MCM4: variants seen among roughly 807,000 people sequenced by gnomAD.
MCM4 encodes minichromosome maintenance complex component 4.
MCM4 carries 60 observed loss-of-function variants against 88.7 expected under a neutral mutation model. That is an observed-to-expected ratio of 0.68 (90% CI 0.55 to 0.84). The LOEUF is 0.84. Among genes scored for constraint, MCM4 ranks in the 40% least tolerant of loss-of-function variants. MCM4 has a pLI of 0.00. For synonymous variants in MCM4, 465 were observed against 410.5 expected, an observed-to-expected ratio of 1.13 and a Z score of -1.61; for missense variants, 1,149 against 1,105.5, an observed-to-expected ratio of 1.04 and a Z score of -0.56.
Position 47,961,197 on chromosome 8 carries a change from C to T in MCM4, c.53C>T (p.Ala18Val). 6.5e-7 allele frequency: 1 copy of T among 1,527,554 alleles called. No individual in the cohort carries two copies. Among genetic ancestry groups the T allele is most frequent in the Non-Finnish European group, 8.7e-7 (1 of 1,146,180 alleles). 94.6% of individuals were successfully genotyped at this position (1,527,554 alleles called of 1,614,324 possible). A position where few individuals can be genotyped will look rare whatever the true frequency, so the allele number is the denominator to read the frequency against. The change falls in exon 2 of 17, where the codon GCC becomes GTC. Residue 18 changes from alanine to valine, a missense_variant. Physicochemically the swap from Ala to Val is moderately conservative, Grantham distance 64 (BLOSUM62 0). Transcript: ENST00000649973. Reference sequence around the variant, plus strand: ...CGCCGCGGCAGCCGGCGTGGAAGGGCCACCCCCGCCCAGACGCGTGAGTCC... The same window carrying T: ...CGCCGCGGCAGCCGGCGTGGAAGGGTCACCCCCGCCCAGACGCGTGAGTCC... ...PSRRGSRRGR[A>V]TPAQTPRSED... is the part of the protein sequence containing the mutation.
Position 47,961,012 on chromosome 8 carries a change from A to T in MCM4, c.-17A>T. The T allele has an allele frequency of 4.0e-6, 4 of 1,000,208 alleles. No homozygotes were observed. The highest frequency in any genetic ancestry group is 5.5e-6 in the Non-Finnish European group (4 of 731,410). The allele number at this position is 1,000,208 out of a possible 1,614,324, so 62.0% of individuals were successfully genotyped here. The stretch of plus-strand genomic sequence containing the variant: ...GTCGTCGGCAAGCGGCCGCCTTTCC[A>T]CGGTAACCGCGCGCCGGCGGGGAGG... On this transcript the variant is annotated splice_region_variant and 5_prime_UTR_variant, in exon 1 of 17. Coordinates refer to ENST00000649973, the MANE Select transcript of MCM4 (RefSeq NM_182746.3).
Position 47,964,619 on chromosome 8 carries a change from G to T in MCM4, c.739G>T (p.Asp247Tyr), listed in dbSNP as rs549554177. 1.9e-5 allele frequency: 30 copies of T among 1,602,420 alleles called. No individual in the cohort carries two copies. The highest frequency in any genetic ancestry group is 2.3e-5 in the Non-Finnish European group (27 of 1,177,064). Residue 247 changes from aspartate to tyrosine, a missense_variant, in exon 8 of 17, where the codon GAC becomes TAC. Around this residue, in one of 3 missense-constraint regions of MCM4, gnomAD observed 906 missense variants for 843.0 expected, o/e 1.07. Transcript: ENST00000649973. ...CATGGCTGTCAATGAAATCTTCTTT[G>T]ACCGTTACCCTGACTCAATCTTAGA... ...FDMAVNEIFFDRYPDSILEHQ... is the reference protein window; with the variant it reads ...FDMAVNEIFFYRYPDSILEHQ...
At position 47,967,438 on chromosome 8, in the gene MCM4, A is replaced by C; in HGVS notation, c.1127A>C (p.Asn376Thr). The change falls in exon 10 of 17, where the codon AAT becomes ACT. Residue 376 changes from asparagine (N) to threonine (T), a missense_variant. Around this residue, in one of 3 missense-constraint regions of MCM4, gnomAD observed 906 missense variants for 843.0 expected, o/e 1.07. Coordinates refer to ENST00000649973, the MANE Select transcript of MCM4 (RefSeq NM_182746.3). Reference sequence around the variant, plus strand: ...CACACAGTTATCCTGTTTGCTCACAATGATCTCGTTGACAAGGTCCAGCCT... The same window carrying C: ...CACACAGTTATCCTGTTTGCTCACACTGATCTCGTTGACAAGGTCCAGCCT... ...TPHTVILFAH[N>T]DLVDKVQPGD... 1.2e-6 allele frequency: 2 copies of C among 1,614,154 alleles called. No individual in the cohort carries two copies. The highest frequency in any genetic ancestry group is 2.2e-5 in the South Asian group (2 of 91,080).
At chr8:47,973,280 G>A (rs1284421512) in intron 14 of MCM4, among the ~76,000 whole-genome samples, 3 of 151,944 alleles carry the variant, frequency 2.0e-5, no homozygotes, top group African/African-American at 4.8e-5. Flanking sequence ...GGGTTCAAGC[G>A]ATTCTCCTGC....
chr8:47,962,912 G>A lies in MCM4; in HGVS notation c.598-33G>A, dbSNP rs191115772. On this transcript the variant is annotated intron_variant, in intron 6 of 16. Transcript: ENST00000649973. ...TACGTGTTTTAAAATAGTTAAATTA[G>A]CAAAATATAACTTGTTCATTTTTAT... The A allele has an allele frequency of 1.9e-3, 2,915 of 1,565,610 alleles. 4 individuals carry two copies. Among genetic ancestry groups the A allele is most frequent in the Non-Finnish European group, 2.1e-3 (2,439 of 1,149,134 alleles).
chr8:47,973,414 G>A (rs2090973478), intron 14 of MCM4, among the ~76,000 whole-genome samples: 3 of 152,152 alleles, frequency 2.0e-5, no homozygotes, highest in Admixed American at 2.0e-4. Flanking sequence ...GACCTCAAGT[G>A]ATGCGCCAGC....
At chr8:47,971,028 A>G (rs979559691) in intron 12 of MCM4, 152 bp downstream of exon 12, 5 of 1,011,690 alleles carry the variant, frequency 4.9e-6, no homozygotes, top group Non-Finnish European at 5.6e-6. Context: ...AAATCTCAAC[A>G]TGTCTTCTAC....
In MCM4 at chr8:47,973,034, A is replaced by G. The variant is rs1257272106; in HGVS notation, c.2106A>G (p.Leu702=). 3 of 1,613,906 alleles carry G rather than the reference A, an allele frequency of 1.9e-6. No homozygotes were observed. The highest frequency in any genetic ancestry group is 2.5e-6 in the Non-Finnish European group (3 of 1,180,004). ...CGCACAGCACCATCATGCCGCGGCT[A>G]AGTGAGGAAGCCAGCCAGGCTCTCA... is the stretch of plus-strand genomic sequence containing the variant. ...AYAHSTIMPR[L]SEEASQALIE... Residue 702 remains leucine, a synonymous_variant, in exon 14 of 17, where the codon CTA becomes CTG. Transcript: ENST00000649973.
chr8:47,971,322 G>T lies in MCM4; in HGVS notation c.1801-19G>T. 6.2e-7 allele frequency: 1 copy of T among 1,613,826 alleles called. No individual in the cohort carries two copies. Among genetic ancestry groups the T allele is most frequent in the South Asian group, 1.1e-5 (1 of 91,068 alleles). On this transcript the variant is annotated intron_variant, in intron 12 of 16. Transcript: ENST00000649973. ...CAGCGTCAGGGAGAGGCTTCTAACT[G>T]CACTCTTTGCTCTGATAGGCTGGGA...
chr8:47,971,277 A>G, intron 12 of MCM4, 64 bp from the exon 13 acceptor site: 1 of 1,601,600 alleles, frequency 6.2e-7, no homozygotes, highest in Non-Finnish European at 8.5e-7. Flanking sequence ...GGCCGGGCGA[A>G]GACGGTGCTT....
rs1268162399 is a variant in MCM4 at position 47,974,662 on chromosome 8, A to G, written c.2137-72A>G. The G allele has an allele frequency of 3.2e-6, 4 of 1,249,202 alleles. No individual in the cohort carries two copies. In the African/African-American group the frequency reaches 4.5e-5, roughly 14 times the overall value. The allele number at this position is 1,249,202 out of a possible 1,614,324, so 77.4% of individuals were successfully genotyped here. On this transcript the variant is annotated intron_variant, in intron 14 of 16. Coordinates refer to ENST00000649973, the MANE Select transcript of MCM4 (RefSeq NM_182746.3). Reference sequence around the variant, plus strand: ...TTACTTAATGGAAGCCTAAGTGTTCAAAATTCACCCACAAAACTAAAGTTG... The same window carrying G: ...TTACTTAATGGAAGCCTAAGTGTTCGAAATTCACCCACAAAACTAAAGTTG...
intron 7 of MCM4, among the ~76,000 whole-genome samples, chr8:47,963,763 G>T (rs1036514721): frequency 3.3e-5 from 5 of 152,160 alleles, no homozygotes; most frequent in Non-Finnish European, 5.9e-5. Context: ...CAGCTCTGTT[G>T]ACTCTGGGTG....
intron 9 of MCM4, 78 bp downstream of exon 9, chr8:47,966,485 G>A (rs1390831478): frequency 1.1e-5 from 15 of 1,386,216 alleles, no homozygotes; most frequent in Middle Eastern, 2.6e-4. Flanking sequence ...CTTGTCCCTC[G>A]GACCCTGAGC....
At chr8:47,970,111 T>C in intron 11 of MCM4, 54 bp downstream of exon 11, 1 of 1,583,052 alleles carries the variant, frequency 6.3e-7, no homozygotes, top group Non-Finnish European at 8.6e-7. Context: ...TGGGATCAAA[T>C]AGTATAAACA....
Position 47,973,035 on chromosome 8 carries a change from A to C in MCM4, c.2107A>C (p.Ser703Arg). 1 of 1,613,944 alleles carries C rather than the reference A, an allele frequency of 6.2e-7. No homozygotes were observed. Among genetic ancestry groups the C allele is most frequent in the Non-Finnish European group, 8.5e-7 (1 of 1,180,012 alleles). The change falls in exon 14 of 17, where the codon AGT becomes CGT. Residue 703 changes from serine (S) to arginine (R), a missense_variant. Physicochemically the swap from Ser to Arg is moderately radical, Grantham distance 110. Transcript: ENST00000649973. Reference protein sequence around the residue: ...YAHSTIMPRLSEEASQALIEA... With the variant: ...YAHSTIMPRLREEASQALIEA... ...GCACAGCACCATCATGCCGCGGCTAAGTGAGGAAGCCAGCCAGGCTCTCAT... is the reference window on the plus strand; with the variant it reads ...GCACAGCACCATCATGCCGCGGCTACGTGAGGAAGCCAGCCAGGCTCTCAT...
intron 14 of MCM4, among the ~76,000 whole-genome samples, chr8:47,973,337 G>A (rs901408451): frequency 9.3e-5 from 14 of 151,326 alleles, no homozygotes; most frequent in African/African-American, 2.2e-4. Context: ...CAACCACTCC[G>A]GCTAATTTTT....
chr8:47,960,942 C>A lies in MCM4; in HGVS notation c.-87C>A, dbSNP rs2090812571. On this transcript the variant is annotated 5_prime_UTR_variant, in exon 1 of 17. Transcript: ENST00000649973. ...CCGCCGGCGGGAACTCTGGGTCTCG[C>A]GGTTTGGGAGCGCTACTCGCCAGGT... 9.6e-6 allele frequency: 5 copies of A among 522,832 alleles called. No individual in the cohort carries two copies. The highest frequency in any genetic ancestry group is 4.5e-5 in the Admixed American group (1 of 22,442). The allele number at this position is 522,832 out of a possible 1,614,324, so 32.4% of individuals were successfully genotyped here. A position where few individuals can be genotyped will look rare whatever the true frequency, so the allele number is the denominator to read the frequency against.
rs1402265983 is a variant in MCM4 at position 47,969,997 on chromosome 8, T to G, written c.1374T>G (p.Ile458Met). ...AGGAACTTTCCAGGAAACCAGACATTTATGAGAGGCTTGCTTCAGCCTTGG... is the reference window on the plus strand; with the variant it reads ...AGGAACTTTCCAGGAAACCAGACATGTATGAGAGGCTTGCTTCAGCCTTGG... ...LLKELSRKPD[I>M]YERLASALAP... Residue 458 changes from isoleucine (I) to methionine (M), a missense_variant, in exon 11 of 17, where the codon ATT becomes ATG. Physicochemically the swap from Ile to Met is conservative, Grantham distance 10. Around this residue, in one of 3 missense-constraint regions of MCM4, gnomAD observed 906 missense variants for 843.0 expected, o/e 1.07. Transcript: ENST00000649973. 3 of 1,614,194 alleles carry G rather than the reference T, an allele frequency of 1.9e-6. No individual in the cohort carries two copies. The highest frequency in any genetic ancestry group is 2.2e-5 in the South Asian group (2 of 91,090).
rs571083407 is a variant in MCM4, at chr8:47,964,542, A to G, written c.694-32A>G. Reference sequence around the variant, plus strand: ...TATTATATTTAACACTGAGATATGAATACAAATACATCTTCATATTTGTTT... The same window carrying G: ...TATTATATTTAACACTGAGATATGAGTACAAATACATCTTCATATTTGTTT... On this transcript the variant is annotated intron_variant, in intron 7 of 16. Coordinates refer to ENST00000649973, the MANE Select transcript of MCM4 (RefSeq NM_182746.3). The G allele has an allele frequency of 9.7e-6, 15 of 1,541,154 alleles. No homozygotes were observed. In the African/African-American group the frequency reaches 2.1e-4, roughly 21 times the overall value.
Sources: allele counts gnomAD v4.1 joint callset (sites outside exome capture counted in the v4.1 genomes callset), GRCh38; gene constraint gnomAD v4.1.1; regional missense constraint gnomAD v4.1.1; transcripts MANE v1.5; gene names NCBI Gene and HGNC (gene_info 2026-07-23, HGNC 2026-07-21).